Variants in ZNF362 observed in about 807,000 individuals in gnomAD.
The protein encoded by ZNF362 is rotund homolog.
Under a neutral mutation model 42.9 loss-of-function variants are expected in ZNF362, and 11 were observed. That is an observed-to-expected ratio of 0.26 (90% confidence interval 0.16 to 0.42). The LOEUF (loss-of-function observed/expected upper bound fraction) is 0.42. Ranked by LOEUF, ZNF362 falls within the 20% of genes least tolerant of loss-of-function variation. The pLI, the probability that ZNF362 is intolerant of heterozygous loss-of-function variation, is 1.00. For missense variants in ZNF362, 362 were observed against 576.2 expected, an observed-to-expected ratio of 0.63 and a Z score of 3.81; for synonymous variants, 255 against 257.3, an observed-to-expected ratio of 0.99 and a Z score of 0.09.
At chr1:33,276,657 C>T (rs911290804) in intron 4 of ZNF362, 63 bp downstream of exon 4, 10 of 1,285,074 alleles carry the variant, frequency 7.8e-6, no homozygotes, top group East Asian at 3.5e-5. Flanking sequence ...GCGGGCGTAG[C>T]GGGGGACTTG....
At chr1:33,134,013 G>C in the ZNF362 span, among the ~76,000 whole-genome samples, 2 of 152,206 alleles carry the variant, frequency 1.3e-5, no homozygotes, top group African/African-American at 2.4e-5. Context: ...TGATGCCAAG[G>C]CTGGCTTCTC....
the ZNF362 span, chr1:33,176,354 C>T: frequency 1.2e-5 from 8 of 661,702 alleles, no homozygotes; most frequent in South Asian, 1.1e-4. Flanking sequence ...CCCCCAGCCC[C>T]CTCCCTCCTT....
At chr1:33,169,272 C>T in the ZNF362 span, among the ~76,000 whole-genome samples, 1 of 152,180 alleles carries the variant, frequency 6.6e-6, no homozygotes, top group Non-Finnish European at 1.5e-5. Context: ...CACCCCTCCC[C>T]TAACTCCATC....
the ZNF362 span, chr1:33,181,255 G>T: frequency 6.5e-7 from 1 of 1,548,944 alleles, no homozygotes; most frequent in South Asian, 1.2e-5. This position sits in a 1 kb window ranked among gnomAD's most constrained non-coding sequence, Gnocchi z 6.5. Flanking sequence ...GCCAGCGCGG[G>T]CTCGGCGAAC....
chr1:33,159,448 C>T, the ZNF362 span, among the ~76,000 whole-genome samples: 1 of 152,188 alleles, frequency 6.6e-6, no homozygotes, highest in Non-Finnish European at 1.5e-5. This position sits in a 1 kb window ranked among gnomAD's most constrained non-coding sequence, Gnocchi z 4.2. Flanking sequence ...AGTGGCTGCC[C>T]TCTAGATGGT....
chr1:33,241,682 T>A, the ZNF362 span, among the ~76,000 whole-genome samples: 921 of 152,138 alleles, frequency 6.1e-3, 18 homozygotes, highest in East Asian at 0.084. Context: ...GAAAAAACGA[T>A]CAAATCTCAA....
chr1:33,141,168 CT>C, the ZNF362 span, among the ~76,000 whole-genome samples: 1 of 152,022 alleles, frequency 6.6e-6, no homozygotes, highest in Non-Finnish European at 1.5e-5. Context: ...CTTTTGCCCC[CT>C]CCTTCTCCTC....
At chr1:33,159,648 G>A in the ZNF362 span, 1 of 1,580,630 alleles carries the variant, frequency 6.3e-7, no homozygotes, top group Non-Finnish European at 8.6e-7. This position sits in a 1 kb window ranked among gnomAD's most constrained non-coding sequence, Gnocchi z 4.2. Context: ...GTCGAGGAGG[G>A]GATGGTCAGC....
chr1:33,195,619 T>C, the ZNF362 span: 1 of 144,438 alleles, frequency 6.9e-6, no homozygotes. Context: ...ATGGTAAGTA[T>C]TTGTGTTTAA....
the ZNF362 span, chr1:33,159,898 C>T: frequency 3.6e-5 from 58 of 1,610,078 alleles, no homozygotes; most frequent in Admixed American, 1.2e-4. The surrounding 1 kb of genome is among the most constrained non-coding windows in gnomAD (Gnocchi z 4.2). Flanking sequence ...CCGGTGCAGC[C>T]GCTCGAAGGC....
the ZNF362 span, among the ~76,000 whole-genome samples, chr1:33,131,783 C>T: frequency 6.6e-6 from 1 of 151,774 alleles, no homozygotes; most frequent in Non-Finnish European, 1.5e-5. Context: ...TTAAATATAC[C>T]TCACATTATA....
At chr1:33,238,966 A>C in the ZNF362 span, among the ~76,000 whole-genome samples, 1 of 152,098 alleles carries the variant, frequency 6.6e-6, no homozygotes, top group Admixed American at 6.5e-5. Flanking sequence ...TGTTTAATCC[A>C]TCCAGCTTAC....
rs1645866828 is a variant in ZNF362 at position 33,266,616 on chromosome 1, C to T, written c.-88-3871C>T. On this transcript the variant is annotated intron_variant, in intron 1 of 8. Coordinates refer to ENST00000539719, the MANE Select transcript of ZNF362 (RefSeq NM_152493.3). The surrounding 1 kb of genome is among the most constrained non-coding windows in gnomAD (Gnocchi z 4.3). ...GGTTGTAACTAAGAACCAGACCAAG[C>T]CCTGCTTTTGGGGAGCCCACAGCCT... is the stretch of plus-strand genomic sequence containing the variant. 6.6e-6 allele frequency among the ~76,000 whole-genome samples: 1 copy of T among 152,192 alleles called. No homozygotes were observed. The highest frequency in any genetic ancestry group is 2.4e-5 in the African/African-American group (1 of 41,438).
At chr1:33,291,778 G>A (rs1235266282) in intron 6 of ZNF362, among the ~76,000 whole-genome samples, 2 of 152,072 alleles carry the variant, frequency 1.3e-5, no homozygotes, top group Non-Finnish European at 2.9e-5. Flanking sequence ...CCTTGAAGAG[G>A]TTCTTCACAT....
chr1:33,216,249 A>G, the ZNF362 span, among the ~76,000 whole-genome samples: 1 of 77,756 alleles, frequency 1.3e-5, no homozygotes, highest in African/African-American at 3.6e-5. Flanking sequence ...TGCTCACTGT[A>G]TGCTAAGCAC....
chr1:33,257,441 T>G (rs1557784763), intron 1 of ZNF362, among the ~76,000 whole-genome samples: 5 of 150,224 alleles, frequency 3.3e-5, no homozygotes, highest in Admixed American at 2.6e-4. Context: ...TTTTTTTTTT[T>G]GGAAGGCGGT....
At position 33,280,313 on chromosome 1, in the gene ZNF362, A is replaced by G. The variant is rs1247335840; in HGVS notation, c.539A>G (p.Gln180Arg). 6.2e-7 allele frequency: 1 copy of G among 1,613,994 alleles called. No individual in the cohort carries two copies. Among genetic ancestry groups the G allele is most frequent in the Non-Finnish European group, 8.5e-7 (1 of 1,179,920 alleles). ...PPLLDSIKTI[Q>R]GHGLLGPPKS... is the part of the protein sequence containing the mutation. ...CTCCTGGACTCCATCAAGACAATCC[A>G]GGGCCACGGCCTGCTTGGCCCCCCC... is the stretch of plus-strand genomic sequence containing the variant. Residue 180 changes from glutamine (Q) to arginine (R), a missense_variant, in exon 5 of 9, where the codon CAG becomes CGG. Transcript: ENST00000539719. The surrounding 1 kb of genome is among the most constrained non-coding windows in gnomAD (Gnocchi z 5.6).
At chr1:33,268,225 A>G (rs1023757343) in intron 1 of ZNF362, among the ~76,000 whole-genome samples, 2 of 152,186 alleles carry the variant, frequency 1.3e-5, no homozygotes, top group African/African-American at 4.8e-5. Flanking sequence ...ACTTAGACAC[A>G]GGAAATAGTA....
the ZNF362 span, among the ~76,000 whole-genome samples, chr1:33,128,252 C>A: frequency 1.3e-5 from 2 of 149,626 alleles, no homozygotes; most frequent in Admixed American, 6.7e-5. Context: ...CAAGCACCTG[C>A]GGTCCCAGCT....
Sources: gnomAD v4.1 joint callset for allele counts (sites outside exome capture counted in the v4.1 genomes callset) on GRCh38, gnomAD v4.1.1 for gene constraint, Gnocchi (gnomAD v3.1) non-coding constraint, MANE v1.5 for transcripts, NCBI Gene and HGNC (gene_info 2026-07-23, HGNC 2026-07-21) for gene names.